FBXW8: variants seen among roughly 807,000 people sequenced by gnomAD.
FBXW8 encodes the protein F-box and WD repeat domain containing 8.
FBXW8 carries 57 observed loss-of-function variants against 65.3 expected under a neutral mutation model. That is an observed-to-expected ratio of 0.87 (90% CI 0.71 to 1.09). The LOEUF (loss-of-function observed/expected upper bound fraction) is 1.09, where lower values mean the gene tolerates loss of function less well. Among genes scored for constraint, FBXW8 ranks in the 50% least tolerant of loss-of-function variants. The probability of loss-of-function intolerance (pLI) is 0.00; values close to 1 mark genes in which losing one functional copy is unlikely to be tolerated. For missense variants in FBXW8, 777 were observed against 814.8 expected (o/e 0.95, Z 0.57); for synonymous variants, 308 against 330.2 (o/e 0.93, Z 0.73).
intron 1 of FBXW8, among the ~76,000 whole-genome samples, chr12:116,922,139 CT>C (rs1380646941): frequency 2.0e-5 from 3 of 151,994 alleles, no homozygotes; most frequent in African/African-American, 7.2e-5. Context: ...CTATTTCTGA[CT>C]TTTTTTCTTT....
intron 2 of FBXW8, among the ~76,000 whole-genome samples, chr12:116,932,580 G>C (rs1214007515): frequency 6.6e-6 from 1 of 152,210 alleles, no homozygotes; most frequent in Non-Finnish European, 1.5e-5. Context: ...GCTGTCACCA[G>C]GCTGGAGTGC....
chr12:117,016,988 T>G (rs1003093607), intron 8 of FBXW8, among the ~76,000 whole-genome samples: 3 of 152,258 alleles, frequency 2.0e-5, no homozygotes, highest in Non-Finnish European at 2.9e-5. Context: ...TCTGTTGATC[T>G]GTATGTCTGT....
At chr12:117,023,978 CCTCCCTGACAGTCTGTGCTT>C (rs1232374934) in intron 8 of FBXW8, among the ~76,000 whole-genome samples, 149 bp from the exon 9 acceptor site, 5 of 152,206 alleles carry the variant, frequency 3.3e-5, no homozygotes, top group African/African-American at 1.2e-4. Flanking sequence ...CCGTGTGGGT[CCTCCCTGACAGTCTGTGCTT>C]GATGTCCTTA....
At chr12:117,025,766 C>T (rs1264174880) in intron 9 of FBXW8, among the ~76,000 whole-genome samples, 8 of 152,314 alleles carry the variant, frequency 5.3e-5, no homozygotes, top group Middle Eastern at 3.4e-3. Context: ...CTGAAATTCC[C>T]GGAAGCATTG....
rs1358826541 is a variant in FBXW8 at position 116,986,650 on chromosome 12, A to AG, written c.1032+1248_1032+1249insG. On this transcript the variant is annotated intron_variant, in intron 6 of 10. Coordinates refer to ENST00000652555, the MANE Select transcript of FBXW8 (RefSeq NM_153348.3). Reference sequence around the variant, plus strand: ...CAAAAAAAAAAAAAGACAAAAAAACAACAAAAAAACGAATACTGTAGACCA... The same window carrying AG: ...CAAAAAAAAAAAAAGACAAAAAAACAGACAAAAAAACGAATACTGTAGACCA... The AG allele has an allele frequency of 2.1e-3, 319 of 152,316 alleles. 1 individual carries two copies. Among genetic ancestry groups the AG allele is most frequent in the African/African-American group, 7.5e-3 (313 of 41,550 alleles). The allele number at this position is 152,316 out of a possible 1,614,324, so 9.4% of individuals were successfully genotyped here.
intron 8 of FBXW8, among the ~76,000 whole-genome samples, chr12:117,019,834 C>G (rs1954046425): frequency 6.6e-6 from 1 of 152,152 alleles, no homozygotes; most frequent in South Asian, 2.1e-4. Context: ...TCTTTCTTCT[C>G]CAAGGTAATT....
intron 1 of FBXW8, among the ~76,000 whole-genome samples, chr12:116,912,439 T>C (rs967010887): frequency 2.0e-5 from 3 of 148,708 alleles, no homozygotes; most frequent in Non-Finnish European, 3.0e-5. Flanking sequence ...ATCCTCCCAA[T>C]TGAGAATCAT....
intron 2 of FBXW8, among the ~76,000 whole-genome samples, chr12:116,942,770 A>ATTTTTTTTTT (rs71099022): frequency 1.6e-5 from 1 of 64,358 alleles, no homozygotes; most frequent in Admixed American, 2.3e-4. Flanking sequence ...CAGAGCTTCT[A>ATTTTTTTTTT]TTTTTTTTTT....
intron 7 of FBXW8, among the ~76,000 whole-genome samples, chr12:116,996,021 A>G (rs1165424922): frequency 6.6e-6 from 1 of 152,166 alleles, no homozygotes; most frequent in East Asian, 1.9e-4. Flanking sequence ...AGAAGACCGA[A>G]TTGCCTTGTT....
At chr12:116,971,945 C>T (rs1307616242) in intron 5 of FBXW8, among the ~76,000 whole-genome samples, 1 of 152,078 alleles carries the variant, frequency 6.6e-6, no homozygotes, top group Non-Finnish European at 1.5e-5. Flanking sequence ...TGGAAAGGCA[C>T]CATAGTATGC....
At chr12:117,002,628 T>G (rs1278564128) in intron 7 of FBXW8, 1 of 152,228 alleles carries the variant, frequency 6.6e-6, no homozygotes, top group African/African-American at 2.4e-5. Flanking sequence ...ACGCTATGAC[T>G]TATCTCTGGC....
intron 1 of FBXW8, among the ~76,000 whole-genome samples, chr12:116,924,433 A>G (rs1364609814): frequency 2.0e-5 from 3 of 152,214 alleles, no homozygotes; most frequent in South Asian, 2.1e-4. Context: ...GTAAACATTC[A>G]AAATCTGTTC....
At chr12:116,969,377 A>G (rs1884515277) in intron 5 of FBXW8, among the ~76,000 whole-genome samples, 1 of 152,128 alleles carries the variant, frequency 6.6e-6, no homozygotes, top group African/African-American at 2.4e-5. Context: ...CTTTCCCCAG[A>G]CGTCAGGTGG....
chr12:116,945,315 G>A (rs373670573), intron 2 of FBXW8, 49 bp from the exon 3 acceptor site: 13 of 1,576,350 alleles, frequency 8.2e-6, no homozygotes, highest in African/African-American at 1.3e-5. Flanking sequence ...ATGACAAGGG[G>A]CTTCTCTAAT....
chr12:116,944,639 T>C lies in FBXW8; in HGVS notation c.424-725T>C, dbSNP rs529161520. Among the ~76,000 whole-genome samples, 229 of 152,328 alleles carry C rather than the reference T, an allele frequency of 1.5e-3. 1 individual carries two copies. The highest frequency in any genetic ancestry group is 2.9e-3 in the Non-Finnish European group (196 of 68,034). On this transcript the variant is annotated intron_variant, in intron 2 of 10. Transcript: ENST00000652555. ...TGCCAACAGAGTCCATCTTTTGCAGTCTGGCCAACTTTGCACATGATCCTG... is the reference window on the plus strand; with the variant it reads ...TGCCAACAGAGTCCATCTTTTGCAGCCTGGCCAACTTTGCACATGATCCTG...
rs1884203272 is a variant in FBXW8, at chr12:116,964,696, G to A, written c.678-1G>A. ...GAACCAAGTGTGTCGTTCTCTTCCA[G>A]ATATACATCAGGGGATGTGAGAGTG... On this transcript the variant is annotated splice_acceptor_variant, in intron 4 of 10. Coordinates refer to ENST00000652555, the MANE Select transcript of FBXW8 (RefSeq NM_153348.3). LOFTEE classifies it high-confidence loss of function. The A allele has an allele frequency of 6.2e-7, 1 of 1,613,666 alleles. No individual in the cohort carries two copies. The highest frequency in any genetic ancestry group is 8.5e-7 in the Non-Finnish European group (1 of 1,179,948).
intron 7 of FBXW8, among the ~76,000 whole-genome samples, chr12:117,008,880 C>G: frequency 6.6e-6 from 1 of 152,070 alleles, no homozygotes; most frequent in East Asian, 1.9e-4. Context: ...GTGGGAGGAT[C>G]ACTTGAGGTC....
At chr12:116,972,290 T>A (rs1190384997) in intron 5 of FBXW8, among the ~76,000 whole-genome samples, 1 of 152,216 alleles carries the variant, frequency 6.6e-6, no homozygotes, top group Non-Finnish European at 1.5e-5. Context: ...TAAGTGTACC[T>A]AATGACAACT....
At chr12:116,981,769 A>G (rs1415325035) in intron 5 of FBXW8, among the ~76,000 whole-genome samples, 1 of 152,100 alleles carries the variant, frequency 6.6e-6, no homozygotes, top group Non-Finnish European at 1.5e-5. Flanking sequence ...GCCCACCACA[A>G]TGACTGGCTA....
Sources: gnomAD v4.1 joint callset for allele counts (sites outside exome capture counted in the v4.1 genomes callset) on GRCh38, gnomAD v4.1.1 for gene constraint, MANE v1.5 for transcripts, NCBI Gene and HGNC (gene_info 2026-07-23, HGNC 2026-07-21) for gene names.